The following CSNK1G1 variants were observed in gnomAD, a reference collection of about 807,000 sequenced individuals.
The protein encoded by CSNK1G1 is casein kinase I isoform gamma-1.
A neutral mutation model predicts 59.6 loss-of-function variants in CSNK1G1; 22 were observed. The ratio of observed to expected loss-of-function variants is 0.37; its 90% CI spans 0.26 to 0.53. The LOEUF is 0.53. Among genes scored for constraint, CSNK1G1 ranks in the 20% least tolerant of loss-of-function variants. The pLI is 0.89. For missense variants in CSNK1G1, 384 were observed against 519.5 expected (o/e 0.74, Z 2.54); for synonymous variants, 179 against 177.1 (o/e 1.01, Z -0.08).
At chr15:64,279,563 C>A (rs960959503) in intron 2 of CSNK1G1, among the ~76,000 whole-genome samples, 3 of 151,976 alleles carry the variant, frequency 2.0e-5, no homozygotes, top group African/African-American at 7.3e-5. Flanking sequence ...TCAGTTTGGG[C>A]CATTAGGAAT....
At chr15:64,309,341 CACACACACACAAAT>C (rs1057114667) in intron 1 of CSNK1G1, among the ~76,000 whole-genome samples, 12 of 149,604 alleles carry the variant, frequency 8.0e-5, no homozygotes, top group South Asian at 6.4e-4. Context: ...CACACACACA[CACACACACACAAAT>C]AAATGAGTTC....
At chr15:64,204,744 G>A (rs550642707) in intron 8 of CSNK1G1, 121 bp downstream of exon 8, 3 of 1,134,860 alleles carry the variant, frequency 2.6e-6, no homozygotes, top group Admixed American at 4.1e-5. Context: ...ACCTACTTTG[G>A]TCTGTATCAC....
chr15:64,308,160 A>C (rs1895788553), intron 1 of CSNK1G1, among the ~76,000 whole-genome samples: 1 of 152,198 alleles, frequency 6.6e-6, no homozygotes, highest in Non-Finnish European at 1.5e-5. Context: ...ATTATAAATA[A>C]AATTTGTCTT....
At chr15:64,311,410 A>G (rs542774276) in intron 1 of CSNK1G1, among the ~76,000 whole-genome samples, 1 of 152,218 alleles carries the variant, frequency 6.6e-6, no homozygotes, top group Non-Finnish European at 1.5e-5. Context: ...GCAATTACAG[A>G]AGGAGTTTGG....
intron 2 of CSNK1G1, among the ~76,000 whole-genome samples, chr15:64,263,362 T>C (rs891588902): frequency 6.6e-6 from 1 of 152,018 alleles, no homozygotes; most frequent in African/African-American, 2.4e-5. Context: ...CTAGTTTTTG[T>C]ATCTTTAGTA....
chr15:64,251,083 A>G (rs1446004037), intron 4 of CSNK1G1, among the ~76,000 whole-genome samples: 1 of 152,256 alleles, frequency 6.6e-6, no homozygotes, highest in Non-Finnish European at 1.5e-5. Flanking sequence ...AGGACAATGG[A>G]TAAAATGACG....
chr15:64,244,160 C>T (rs1224540953), intron 4 of CSNK1G1, among the ~76,000 whole-genome samples: 6 of 151,862 alleles, frequency 4.0e-5, no homozygotes, highest in Non-Finnish European at 5.9e-5. Context: ...CAGAGCGAGA[C>T]TCTGTCTCAA....
intron 4 of CSNK1G1, among the ~76,000 whole-genome samples, chr15:64,220,320 C>T (rs1376885698): frequency 6.6e-6 from 1 of 151,876 alleles, no homozygotes; most frequent in Non-Finnish European, 1.5e-5. Flanking sequence ...GTCTTGAACT[C>T]CTGACCTCAA....
intron 2 of CSNK1G1, among the ~76,000 whole-genome samples, chr15:64,298,163 G>T (rs1895128776): frequency 6.6e-6 from 1 of 152,142 alleles, no homozygotes; most frequent in Admixed American, 6.6e-5. Flanking sequence ...GCTTTTAACT[G>T]AATGAATTTT....
rs574544354 is a variant in CSNK1G1 at position 64,197,839 on chromosome 15, G to A, written c.1107+5243C>T. On this transcript the variant is annotated intron_variant, in intron 10 of 11. Transcript: ENST00000303052. ...CAGCATTCCAGGAGCTTCACCAAAT[G>A]GTTTCAACCTACTTTCCTAGCCTTG... 8.3e-4 allele frequency among the ~76,000 whole-genome samples: 127 copies of A among 152,120 alleles called. 1 individual carries two copies. The highest frequency in any genetic ancestry group is 1.9e-4 in the Non-Finnish European group (13 of 68,008).
intron 3 of CSNK1G1, among the ~76,000 whole-genome samples, chr15:64,255,074 C>T (rs1046725561): frequency 2.0e-5 from 3 of 151,918 alleles, no homozygotes; most frequent in African/African-American, 7.3e-5. Flanking sequence ...AGTTATTTGT[C>T]CTTTTTTTCT....
Position 64,180,415 on chromosome 15 carries a change from G to T in CSNK1G1, c.1147C>A (p.Pro383Thr). 1 of 1,614,146 alleles carries T rather than the reference G, an allele frequency of 6.2e-7. No homozygotes were observed. The highest frequency in any genetic ancestry group is 8.5e-7 in the Non-Finnish European group (1 of 1,180,018). ...STNGELNVDD[P>T]TGAHSNAPIT... The stretch of plus-strand genomic sequence containing the variant: ...GGTGCATTGGAGTGGGCTCCCGTGG[G>T]ATCATCAACATTCAGCTCTCCATTG... Residue 383 changes from proline (P) to threonine (T), a missense_variant, in exon 11 of 12, where the codon CCC becomes ACC. Around this residue, in one of 3 missense-constraint regions of CSNK1G1, gnomAD observed 325 missense variants for 440.9 expected, o/e 0.74. Coordinates refer to ENST00000303052, the MANE Select transcript of CSNK1G1 (RefSeq NM_022048.5).
intron 4 of CSNK1G1, among the ~76,000 whole-genome samples, chr15:64,236,309 A>G (rs1186632212): frequency 6.6e-6 from 1 of 152,170 alleles, no homozygotes; most frequent in East Asian, 1.9e-4. Flanking sequence ...TTGCAAGGCT[A>G]TCCATTCATA....
At chr15:64,189,575 A>G in intron 10 of CSNK1G1, 2 of 677,422 alleles carry the variant, frequency 3.0e-6, no homozygotes, top group South Asian at 2.9e-5. Flanking sequence ...TGCAGGGGTT[A>G]GGATGTGATA....
At chr15:64,259,528 A>C (rs1446769516) in intron 2 of CSNK1G1, among the ~76,000 whole-genome samples, 1 of 151,110 alleles carries the variant, frequency 6.6e-6, no homozygotes, top group East Asian at 2.0e-4. Context: ...ACACACATGC[A>C]TGCATATTAA....
chr15:64,222,485 T>C (rs957267322), intron 4 of CSNK1G1, among the ~76,000 whole-genome samples: 7 of 151,004 alleles, frequency 4.6e-5, no homozygotes, highest in African/African-American at 1.5e-4. Context: ...ACTGGTTCCT[T>C]TCAAAATCCA....
At position 64,356,003 on chromosome 15, in the gene CSNK1G1, T is replaced by A. The variant is rs569241074; in HGVS notation, c.-240A>T. 35 of 151,692 alleles carry A rather than the reference T, an allele frequency of 2.3e-4. No homozygotes were observed. Among genetic ancestry groups the A allele is most frequent in the African/African-American group, 8.2e-4 (34 of 41,274 alleles). 9.4% of individuals were successfully genotyped at this position (151,692 alleles called of 1,614,324 possible). ...GGGCAGATACCTGGTCCAGCAGTGC[T>A]GCAAGGCGCAAATGAGGCGGGCGCG... On this transcript the variant is annotated 5_prime_UTR_variant, in exon 1 of 12. Transcript: ENST00000303052.
chr15:64,259,054 T>C, intron 3 of CSNK1G1, 147 bp downstream of exon 3: 2 of 618,588 alleles, frequency 3.2e-6, no homozygotes, highest in South Asian at 2.1e-5. Context: ...GTTAACACTA[T>C]AAATGAAGAA....
chr15:64,321,490 T>C (rs1004394029), intron 1 of CSNK1G1, among the ~76,000 whole-genome samples: 4 of 152,128 alleles, frequency 2.6e-5, no homozygotes, highest in African/African-American at 9.7e-5. Flanking sequence ...TTTCAAACTC[T>C]TGGATTCAAG....
Sources: allele counts gnomAD v4.1 joint callset (sites outside exome capture counted in the v4.1 genomes callset), GRCh38; gene constraint gnomAD v4.1.1; regional missense constraint gnomAD v4.1.1; transcripts MANE v1.5; gene names NCBI Gene and HGNC (gene_info 2026-07-23, HGNC 2026-07-21).